Variants in PLXNC1 observed in about 807,000 individuals in gnomAD.
PLXNC1 encodes the protein plexin C1.
A neutral mutation model predicts 178.2 loss-of-function variants in PLXNC1; 75 were observed. That is an observed-to-expected ratio of 0.42 (90% CI 0.35 to 0.51). The LOEUF (loss-of-function observed/expected upper bound fraction) is 0.51, where lower values mean the gene tolerates loss of function less well. Among genes scored for constraint, PLXNC1 ranks in the 20% least tolerant of loss-of-function variants. PLXNC1 has a pLI of 0.02. For synonymous variants in PLXNC1, 790 were observed against 779.9 expected (o/e 1.01, Z -0.22); for missense variants, 1,503 against 1,984.4 (o/e 0.76, Z 4.61).
At chr12:94,204,847 G>C (rs1963251111) in intron 4 of PLXNC1, among the ~76,000 whole-genome samples, 1 of 152,192 alleles carries the variant, frequency 6.6e-6, no homozygotes, top group Admixed American at 6.5e-5. Flanking sequence ...GGGAGAGAGA[G>C]AAGCTGGATT....
intron 21 of PLXNC1, among the ~76,000 whole-genome samples, chr12:94,276,384 G>A (rs920897192): frequency 6.6e-6 from 1 of 151,954 alleles, no homozygotes; most frequent in Non-Finnish European, 1.5e-5. Flanking sequence ...CCACTGGTGT[G>A]GGGAATTTAG....
intron 30 of PLXNC1, among the ~76,000 whole-genome samples, chr12:94,304,625 A>T (rs1038112071): frequency 2.6e-5 from 4 of 151,928 alleles, no homozygotes; most frequent in African/African-American, 7.3e-5. Flanking sequence ...CAGGCTATCC[A>T]TGTCAATGGT....
intron 5 of PLXNC1, among the ~76,000 whole-genome samples, chr12:94,218,106 C>T (rs1219000525): frequency 1.3e-5 from 2 of 152,006 alleles, no homozygotes; most frequent in East Asian, 1.9e-4. Flanking sequence ...ATGTGTGGTG[C>T]GGATATAAAT....
chr12:94,192,984 TCTA>T (rs1962780362), intron 4 of PLXNC1, among the ~76,000 whole-genome samples: 2 of 152,246 alleles, frequency 1.3e-5, no homozygotes, highest in African/African-American at 4.8e-5. Context: ...CATAAAATTA[TCTA>T]ACCCAAACTT....
chr12:94,177,169 ATATATACGTATATATATG>A (rs1962099890), intron 2 of PLXNC1, among the ~76,000 whole-genome samples: 1 of 55,288 alleles, frequency 1.8e-5, no homozygotes, highest in South Asian at 4.5e-4. Context: ...ATGTATATAT[ATATATACGTATATATATG>A]TATATATATA....
chr12:94,229,104 T>C (rs1964023188), intron 9 of PLXNC1, among the ~76,000 whole-genome samples: 1 of 152,192 alleles, frequency 6.6e-6, no homozygotes, highest in Non-Finnish European at 1.5e-5. Context: ...CATCCTAATA[T>C]GGGTCAGGTG....
intron 17 of PLXNC1, 22 bp from the exon 18 acceptor site, chr12:94,259,314 TA>T: frequency 6.4e-7 from 1 of 1,561,084 alleles, no homozygotes; most frequent in Non-Finnish European, 8.8e-7. Context: ...TTATGAATAA[TA>T]AAAGTGTCTC....
chr12:94,214,853 G>A (rs907400314), intron 5 of PLXNC1, among the ~76,000 whole-genome samples: 5 of 151,888 alleles, frequency 3.3e-5, no homozygotes, highest in African/African-American at 7.3e-5. Flanking sequence ...AGCTTAAGCC[G>A]TTCTTTGTAA....
intron 17 of PLXNC1, among the ~76,000 whole-genome samples, chr12:94,257,530 T>A (rs2136077582): frequency 6.6e-6 from 1 of 152,098 alleles, no homozygotes; most frequent in East Asian, 1.9e-4. Context: ...TCCCAGCACT[T>A]TGGGAGGCCG....
At chr12:94,233,543 G>T (rs1057346938) in intron 9 of PLXNC1, among the ~76,000 whole-genome samples, 1 of 152,144 alleles carries the variant, frequency 6.6e-6, no homozygotes, top group East Asian at 1.9e-4. Flanking sequence ...TGATCTCTTC[G>T]CACAGGGCAT....
chr12:94,157,886 A>C (rs1258069778), intron 1 of PLXNC1, among the ~76,000 whole-genome samples: 1 of 152,238 alleles, frequency 6.6e-6, no homozygotes, highest in African/African-American at 2.4e-5. Flanking sequence ...GCTGTGTTCC[A>C]TTAAAATGTT....
At chr12:94,245,666 C>T (rs563042379) in intron 12 of PLXNC1, among the ~76,000 whole-genome samples, 29 of 152,182 alleles carry the variant, frequency 1.9e-4, no homozygotes, top group Admixed American at 5.9e-4. Flanking sequence ...GGATTAAGTA[C>T]GCCTGCAGTA....
chr12:94,159,791 G>T (rs1017751575), intron 1 of PLXNC1, among the ~76,000 whole-genome samples: 6 of 152,240 alleles, frequency 3.9e-5, no homozygotes, highest in African/African-American at 1.4e-4. Context: ...AGGAAAACCT[G>T]CAGGAGGCTC....
intron 1 of PLXNC1, among the ~76,000 whole-genome samples, chr12:94,154,773 C>T (rs1961097897): frequency 6.6e-6 from 1 of 152,180 alleles, no homozygotes. Context: ...CTGACTCTGG[C>T]AGGATTGTAG....
At chr12:94,304,840 T>C (rs1281020478) in intron 30 of PLXNC1, among the ~76,000 whole-genome samples, 1 of 152,212 alleles carries the variant, frequency 6.6e-6, no homozygotes, top group African/African-American at 2.4e-5. Context: ...GCCTGCTGCA[T>C]TTAAGGAGAA....
chr12:94,225,667 A>G (rs2136027164), intron 7 of PLXNC1, among the ~76,000 whole-genome samples: 1 of 152,342 alleles, frequency 6.6e-6, no homozygotes, highest in East Asian at 1.9e-4. Context: ...CTTGGTAATT[A>G]AGAACCAGAC....
At chr12:94,277,482 G>A (rs1018094994) in intron 21 of PLXNC1, among the ~76,000 whole-genome samples, 1 of 152,188 alleles carries the variant, frequency 6.6e-6, no homozygotes, top group Admixed American at 6.5e-5. Flanking sequence ...GCCAGATGCT[G>A]TTCTAAGAAC....
intron 10 of PLXNC1, among the ~76,000 whole-genome samples, chr12:94,240,106 G>A (rs913303801): frequency 5.3e-5 from 8 of 152,154 alleles, no homozygotes; most frequent in Middle Eastern, 3.4e-3. Flanking sequence ...AAATACTTCA[G>A]TACCTCTCTA....
intron 2 of PLXNC1, among the ~76,000 whole-genome samples, chr12:94,171,015 A>T (rs1273432902): frequency 1.3e-5 from 2 of 152,172 alleles, no homozygotes; most frequent in Non-Finnish European, 2.9e-5. Flanking sequence ...GATGTTTTTG[A>T]TGAGTGTTTT....
Sources: gnomAD v4.1 joint callset for allele counts (sites outside exome capture counted in the v4.1 genomes callset) on GRCh38, gnomAD v4.1.1 for gene constraint, MANE v1.5 for transcripts, NCBI Gene and HGNC (gene_info 2026-07-23, HGNC 2026-07-21) for gene names.